Variants in NRDE2 observed in about 807,000 individuals in gnomAD.
The protein encoded by NRDE2 is NRDE-2, necessary for RNA interference, domain containing, also known as nuclear exosome regulator NRDE2.
Under a neutral mutation model 124.2 loss-of-function variants are expected in NRDE2, and 76 were observed. The ratio of observed to expected loss-of-function variants is 0.61; its 90% confidence interval spans 0.51 to 0.74. The LOEUF (loss-of-function observed/expected upper bound fraction) is 0.74. NRDE2 is among the 30% of genes least tolerant of loss of function. NRDE2 has a pLI of 0.00. For synonymous variants in NRDE2, 489 were observed against 528.1 expected (o/e 0.93, Z 1.01); for missense variants, 1,314 against 1,417.3 (o/e 0.93, Z 1.17).
At position 90,292,714 on chromosome 14, in the gene NRDE2, C is replaced by T; in HGVS notation, c.1825G>A (p.Glu609Lys). 1 of 1,614,064 alleles carries T rather than the reference C, an allele frequency of 6.2e-7. No individual in the cohort carries two copies. Reference sequence around the variant, plus strand: ...ATACATGCCTGTCTCTCGGGATCCTCACAGTCTTCCTCGGTTTGCTTCTTG... The same window carrying T: ...ATACATGCCTGTCTCTCGGGATCCTTACAGTCTTCCTCGGTTTGCTTCTTG... ...KTKKQTEEDC[E>K]DPERQVLFDD... The change falls in exon 9 of 14, where the codon GAG becomes AAG. Residue 609 changes from glutamate (E) to lysine (K), a missense_variant. Glu to Lys is a moderately conservative substitution (Grantham distance 56). Transcript: ENST00000354366.
Position 90,269,304 on chromosome 14 carries a change from A to T in NRDE2, c.*9032T>A. 9.1e-7 allele frequency: 1 copy of T among 1,101,144 alleles called. No individual in the cohort carries two copies. Among genetic ancestry groups the T allele is most frequent in the Non-Finnish European group, 1.3e-6 (1 of 773,854 alleles). 68.2% of individuals were successfully genotyped at this position (1,101,144 alleles called of 1,614,324 possible). On this transcript the variant is annotated 3_prime_UTR_variant, in exon 14 of 14. Transcript: ENST00000354366. ...GTGAGTTGAAACAGGAATGTTTGTT[A>T]AGGTGTTTTGTCACAATGAGGTCTT...
At chr14:90,293,294 A>C (rs1892325205) in intron 8 of NRDE2, among the ~76,000 whole-genome samples, 1 of 151,520 alleles carries the variant, frequency 6.6e-6, no homozygotes, top group African/African-American at 2.4e-5. Flanking sequence ...GTTGTCGCCC[A>C]GGCTGGAGTA....
chr14:90,301,494 T>C (rs994485414), intron 6 of NRDE2, 122 bp from the exon 7 acceptor site: 6 of 844,792 alleles, frequency 7.1e-6, no homozygotes. Context: ...CACTATTAAT[T>C]TACAAAGCTG....
At chr14:90,328,608 TAGAC>T (rs1566704789) in intron 1 of NRDE2, among the ~76,000 whole-genome samples, 1 of 152,184 alleles carries the variant, frequency 6.6e-6, no homozygotes, top group African/African-American at 2.4e-5. Context: ...CAGAGAACGT[TAGAC>T]AGGGCATCCT....
intron 1 of NRDE2, among the ~76,000 whole-genome samples, chr14:90,327,733 A>G (rs1007499470): frequency 8.5e-5 from 13 of 152,226 alleles, no homozygotes; most frequent in African/African-American, 3.1e-4. Context: ...ATCCCAGGCT[A>G]GGCGAGGTGG....
intron 4 of NRDE2, among the ~76,000 whole-genome samples, chr14:90,310,239 C>T (rs755286755): frequency 3.6e-4 from 55 of 152,296 alleles, no homozygotes; most frequent in Non-Finnish European, 4.7e-4. Flanking sequence ...CGTCCTACCA[C>T]ACACCCTGTC....
At position 90,274,541 on chromosome 14, in the gene NRDE2, T is replaced by TAA. The variant is rs1891751735; in HGVS notation, c.*3793_*3794dup. On this transcript the variant is annotated 3_prime_UTR_variant, in exon 14 of 14. Transcript: ENST00000354366. Reference sequence around the variant, plus strand: ...ACCCCTAGACCCAGACCTTTGCTGCTAAAAGTATTATTCTCCACTAAAAGG... The same window carrying TAA: ...ACCCCTAGACCCAGACCTTTGCTGCTAAAAAAGTATTATTCTCCACTAAAAGG... 7.7e-6 allele frequency: 1 copy of TAA among 129,996 alleles called. No homozygotes were observed. The highest frequency in any genetic ancestry group is 7.6e-5 in the Admixed American group (1 of 13,078). The allele number at this position is 129,996 out of a possible 1,614,324, so 8.1% of individuals were successfully genotyped here.
chr14:90,269,785 A>G lies in NRDE2; in HGVS notation c.*8551T>C, dbSNP rs989561471. On this transcript the variant is annotated 3_prime_UTR_variant, in exon 14 of 14. Transcript: ENST00000354366. ...TGTCTTGTCTTTTCTTTTCCATAAC[A>G]TTCCCTTTTTAGCCTCAAGAACTTG... The G allele has an allele frequency of 6.8e-6, 3 of 438,388 alleles. No homozygotes were observed. Among genetic ancestry groups the G allele is most frequent in the African/African-American group, 6.1e-5 (3 of 49,434 alleles). The allele number at this position is 438,388 out of a possible 1,614,324, so 27.2% of individuals were successfully genotyped here.
Position 90,269,606 on chromosome 14 carries a change from G to A in NRDE2, c.*8730C>T, listed in dbSNP as rs1891608574. The A allele has an allele frequency of 6.4e-7, 1 of 1,565,550 alleles. No homozygotes were observed. The highest frequency in any genetic ancestry group is 2.3e-5 in the East Asian group (1 of 44,226). ...AATGTGTTTATATATTTGTGTTTAA[G>A]TGTGCTTTGGGAGGCCTATAAAATG... On this transcript the variant is annotated 3_prime_UTR_variant, in exon 14 of 14. Coordinates refer to ENST00000354366, the MANE Select transcript of NRDE2 (RefSeq NM_017970.4).
chr14:90,284,962 A>G (rs527930024), intron 12 of NRDE2, among the ~76,000 whole-genome samples: 31 of 152,248 alleles, frequency 2.0e-4, no homozygotes, highest in South Asian at 1.5e-3. Flanking sequence ...GTACTTTTAA[A>G]TGAACACAAA....
intron 1 of NRDE2, 149 bp from the exon 2 acceptor site, chr14:90,318,262 G>A (rs1885119313): frequency 5.1e-6 from 3 of 589,434 alleles, no homozygotes; most frequent in South Asian, 4.7e-5. Context: ...CACAGAAGCT[G>A]AACAGAATCC....
chr14:90,303,130 A>T lies in NRDE2; in HGVS notation c.1006-5T>A. The T allele has an allele frequency of 6.2e-7, 1 of 1,601,938 alleles. No individual in the cohort carries two copies. The highest frequency in any genetic ancestry group is 8.5e-7 in the Non-Finnish European group (1 of 1,174,142). On this transcript the variant is annotated splice_region_variant and splice_polypyrimidine_tract_variant and intron_variant, in intron 5 of 13. Transcript: ENST00000354366. Reference sequence around the variant, plus strand: ...AGGACTTTTCATGACCTCGTCCTCAACAACAAAAACACCAATTTACAAATG... The same window carrying T: ...AGGACTTTTCATGACCTCGTCCTCATCAACAAAAACACCAATTTACAAATG...
intron 4 of NRDE2, among the ~76,000 whole-genome samples, chr14:90,312,155 C>T (rs912480804): frequency 3.3e-5 from 5 of 152,194 alleles, no homozygotes; most frequent in African/African-American, 1.2e-4. Flanking sequence ...TATTGAACGC[C>T]TACTGTGCCA....
chr14:90,278,999 C>T (rs1334381327), intron 13 of NRDE2, 63 bp downstream of exon 13: 12 of 1,177,014 alleles, frequency 1.0e-5, no homozygotes, highest in Non-Finnish European at 1.5e-5. Flanking sequence ...AAGACACTAG[C>T]TGGACGGAGA....
chr14:90,299,652 C>G (rs922145371), intron 7 of NRDE2, among the ~76,000 whole-genome samples: 1 of 152,114 alleles, frequency 6.6e-6, no homozygotes, highest in Non-Finnish European at 1.5e-5. Flanking sequence ...ATGCCACACA[C>G]GCCTGGAGGA....
intron 12 of NRDE2, among the ~76,000 whole-genome samples, chr14:90,282,894 C>T (rs748675942): frequency 3.3e-5 from 5 of 152,066 alleles, no homozygotes; most frequent in Non-Finnish European, 7.4e-5. Context: ...CTCGAACTCC[C>T]GAACTCCTTC....
At chr14:90,303,331 C>T (rs557798437) in intron 5 of NRDE2, among the ~76,000 whole-genome samples, 2 of 152,348 alleles carry the variant, frequency 1.3e-5, no homozygotes, top group Admixed American at 6.5e-5. Context: ...ATTATCCACT[C>T]TCTGCCATTT....
Position 90,292,998 on chromosome 14 carries a change from TCCC to T in NRDE2, c.1667-129_1667-127del, listed in dbSNP as rs1338038706. The stretch of plus-strand genomic sequence containing the variant: ...AAGATGTGTAAGAGCCATGCCAGTC[TCCC>T]AGGATACTCAGTGGCATTTAGGAAC... On this transcript the variant is annotated intron_variant, in intron 8 of 13. Coordinates refer to ENST00000354366, the MANE Select transcript of NRDE2 (RefSeq NM_017970.4). The T allele has an allele frequency of 4.1e-5, 33 of 809,950 alleles. No homozygotes were observed. The African/African-American group carries it at 4.8e-4, about 12-fold the overall frequency. 50.2% of individuals were successfully genotyped at this position (809,950 alleles called of 1,614,324 possible). A position where few individuals can be genotyped will look rare whatever the true frequency, so the allele number is the denominator to read the frequency against.
rs940140374 is a variant in NRDE2, at chr14:90,271,705, C to A, written c.*6631G>T. 3 of 152,060 alleles carry A rather than the reference C, an allele frequency of 2.0e-5. No individual in the cohort carries two copies. Among genetic ancestry groups the A allele is most frequent in the African/African-American group, 7.2e-5 (3 of 41,400 alleles). 9.4% of individuals were successfully genotyped at this position (152,060 alleles called of 1,614,324 possible). A position where few individuals can be genotyped will look rare whatever the true frequency, so the allele number is the denominator to read the frequency against. On this transcript the variant is annotated 3_prime_UTR_variant, in exon 14 of 14. Coordinates refer to ENST00000354366, the MANE Select transcript of NRDE2 (RefSeq NM_017970.4). ...TACAAGCCACATAGCTTGTTAGAAC[C>A]TGAGCCAAAACTAGAACCCACAGCC... is the stretch of plus-strand genomic sequence containing the variant.
Sources: gnomAD v4.1 joint callset for allele counts (sites outside exome capture counted in the v4.1 genomes callset) on GRCh38, gnomAD v4.1.1 for gene constraint, MANE v1.5 for transcripts, NCBI Gene and HGNC (gene_info 2026-07-23, HGNC 2026-07-21) for gene names.